The following TTC8 variants were observed in gnomAD, a reference collection of about 807,000 sequenced individuals.
TTC8 encodes the protein tetratricopeptide repeat domain 8.
A neutral mutation model predicts 72.5 loss-of-function variants in TTC8; 47 were observed. The ratio of observed to expected loss-of-function variants is 0.65; its 90% CI spans 0.51 to 0.83. The LOEUF (loss-of-function observed/expected upper bound fraction) is 0.83. Ranked by LOEUF, TTC8 falls within the 40% of genes least tolerant of loss-of-function variation. TTC8 has a pLI of 0.00. For synonymous variants in TTC8, 199 were observed against 221.4 expected (o/e 0.90, Z 0.90); for missense variants, 611 against 623.2 (o/e 0.98, Z 0.21).
chr14:88,854,049 T>C (rs2094845411), intron 8 of TTC8, among the ~76,000 whole-genome samples: 1 of 152,172 alleles, frequency 6.6e-6, no homozygotes, highest in East Asian at 1.9e-4. Flanking sequence ...AAGACTACTT[T>C]CCATTTAGAT....
rs372855260 is a variant in TTC8, at chr14:88,826,577, G to T, written c.114+1756G>T. On this transcript the variant is annotated intron_variant, in intron 1 of 14. Coordinates refer to ENST00000380656, the MANE Select transcript of TTC8 (RefSeq NM_144596.4). The stretch of plus-strand genomic sequence containing the variant: ...AAATTAGCCGGGCGTGTTGGCGGGC[G>T]CCTGTAGTCCCAGTTACTCGGGAGG... Among the ~76,000 whole-genome samples the T allele has an allele frequency of 7.0e-4, 107 of 152,096 alleles. 1 individual carries two copies. In the East Asian group the frequency reaches 0.017, roughly 24 times the overall value.
chr14:88,872,192 A>T, intron 12 of TTC8, 138 bp from the exon 13 acceptor site: 1 of 1,260,410 alleles, frequency 7.9e-7, no homozygotes. Context: ...AAATCCACTT[A>T]CGTAGAATTC....
rs149614033 is a variant in TTC8, at chr14:88,848,709, A to C, written c.625-4262A>C. On this transcript the variant is annotated intron_variant, in intron 7 of 14. Coordinates refer to ENST00000380656, the MANE Select transcript of TTC8 (RefSeq NM_144596.4). Reference sequence around the variant, plus strand: ...TTAAGCCAAAAGTATACCATTTAGTATGTTAAATAGAAGTATAACTCTAAA... The same window carrying C: ...TTAAGCCAAAAGTATACCATTTAGTCTGTTAAATAGAAGTATAACTCTAAA... Among the ~76,000 whole-genome samples, 594 of 152,314 alleles carry C rather than the reference A, an allele frequency of 3.9e-3. 6 individuals carry two copies. The highest frequency in any genetic ancestry group is 0.014 in the African/African-American group (568 of 41,586).
chr14:88,877,789 G>A lies in TTC8; in HGVS notation c.*379G>A, dbSNP rs2094963225. 3 of 161,324 alleles carry A rather than the reference G, an allele frequency of 1.9e-5. No homozygotes were observed. The highest frequency in any genetic ancestry group is 7.2e-5 in the African/African-American group (3 of 41,524). The allele number at this position is 161,324 out of a possible 1,614,324, so 10.0% of individuals were successfully genotyped here. A position where few individuals can be genotyped will look rare whatever the true frequency, so the allele number is the denominator to read the frequency against. On this transcript the variant is annotated 3_prime_UTR_variant, in exon 15 of 15. Transcript: ENST00000380656. Reference sequence around the variant, plus strand: ...AGCCATCATGTAGCTTAAGGAGTCTGAAATCTGCCATTAAAACTGCACCTT... The same window carrying A: ...AGCCATCATGTAGCTTAAGGAGTCTAAAATCTGCCATTAAAACTGCACCTT...
intron 10 of TTC8, among the ~76,000 whole-genome samples, chr14:88,862,767 A>G (rs1294987702): frequency 1.3e-5 from 2 of 148,872 alleles, no homozygotes; most frequent in Admixed American, 6.7e-5. Flanking sequence ...CTTTTTGCAG[A>G]AATGGGATCT....
chr14:88,876,137 C>A (rs965228601), intron 14 of TTC8, among the ~76,000 whole-genome samples: 3 of 152,188 alleles, frequency 2.0e-5, no homozygotes, highest in Non-Finnish European at 2.9e-5. Context: ...CCAGTGATGT[C>A]CATGTGTTTC....
intron 14 of TTC8, among the ~76,000 whole-genome samples, 194 bp from the exon 15 acceptor site, chr14:88,877,100 A>G (rs59462347): frequency 2.7e-4 from 41 of 152,296 alleles, no homozygotes; most frequent in African/African-American, 9.6e-4. Flanking sequence ...TCTAAAATCA[A>G]AGTAGCATAA....
chr14:88,855,250 A>G (rs1048456676), intron 8 of TTC8, among the ~76,000 whole-genome samples: 3 of 152,112 alleles, frequency 2.0e-5, no homozygotes, highest in Admixed American at 6.6e-5. Flanking sequence ...TTTGATTATC[A>G]TTGCTTTAAG....
Position 88,857,211 on chromosome 14 carries a change from A to C in TTC8, c.732A>C (p.Ala244=). ...CYYRLGMYRE[A]EKQFKSALKQ... ...GTAGGTTGGGAATGTATCGTGAAGC[A>C]GAAAAACAGTTTAAATCAGCCCTGA... Residue 244 remains alanine (A), a synonymous_variant, in exon 9 of 15, where the codon GCA becomes GCC. Coordinates refer to ENST00000380656, the MANE Select transcript of TTC8 (RefSeq NM_144596.4). The C allele has an allele frequency of 3.7e-6, 6 of 1,613,958 alleles. No homozygotes were observed. The highest frequency in any genetic ancestry group is 5.1e-6 in the Non-Finnish European group (6 of 1,179,922).
In TTC8 at chr14:88,871,854, C is replaced by A; in HGVS notation, c.1224+131C>A. The A allele has an allele frequency of 9.9e-7, 1 of 1,005,740 alleles. No individual in the cohort carries two copies. The highest frequency in any genetic ancestry group is 2.4e-5 in the East Asian group (1 of 41,016). 62.3% of individuals were successfully genotyped at this position (1,005,740 alleles called of 1,614,324 possible). A position where few individuals can be genotyped will look rare whatever the true frequency, so the allele number is the denominator to read the frequency against. ...ATTGCTTGAGCCCAGGAGTTTGAGA[C>A]CACCCTGGGCAACATAGTGGGACTC... On this transcript the variant is annotated intron_variant, in intron 12 of 14. Coordinates refer to ENST00000380656, the MANE Select transcript of TTC8 (RefSeq NM_144596.4). The surrounding 1 kb of genome is among the most constrained non-coding windows in gnomAD (Gnocchi z 4.1).
intron 11 of TTC8, 137 bp downstream of exon 11, chr14:88,870,335 A>G (rs2094928752): frequency 3.1e-6 from 3 of 971,662 alleles, no homozygotes; most frequent in Non-Finnish European, 4.9e-6. Flanking sequence ...ACTGAGATAT[A>G]TAATGAGCAT....
At position 88,871,453 on chromosome 14, in the gene TTC8, T is replaced by C. The variant is rs1229509631; in HGVS notation, c.1050-96T>C. ...TTAAGGAGTATCAAAAATCACAAGA[T>C]GAATTCATTTTTAACTGTGTAAAAT... On this transcript the variant is annotated intron_variant, in intron 11 of 14. Coordinates refer to ENST00000380656, the MANE Select transcript of TTC8 (RefSeq NM_144596.4). The surrounding 1 kb of genome is among the most constrained non-coding windows in gnomAD (Gnocchi z 4.1). The C allele has an allele frequency of 1.1e-5, 12 of 1,109,896 alleles. No homozygotes were observed. The East Asian group carries it at 2.8e-4, about 26-fold the overall frequency. 68.8% of individuals were successfully genotyped at this position (1,109,896 alleles called of 1,614,324 possible). A position where few individuals can be genotyped will look rare whatever the true frequency, so the allele number is the denominator to read the frequency against.
intron 8 of TTC8, among the ~76,000 whole-genome samples, chr14:88,856,160 A>G (rs2094855167): frequency 6.6e-6 from 1 of 152,198 alleles, no homozygotes; most frequent in South Asian, 2.1e-4. Flanking sequence ...GAGTTCTTTG[A>G]TAACATTTTA....
At chr14:88,855,231 G>C (rs2062475447) in intron 8 of TTC8, among the ~76,000 whole-genome samples, 1 of 152,030 alleles carries the variant, frequency 6.6e-6, no homozygotes, top group African/African-American at 2.4e-5. Flanking sequence ...AACATGTTTT[G>C]TTTCATTCTT....
chr14:88,864,047 A>C (rs1177613161), intron 10 of TTC8, among the ~76,000 whole-genome samples: 1 of 152,172 alleles, frequency 6.6e-6, no homozygotes, highest in Non-Finnish European at 1.5e-5. Context: ...TGAAAATGCT[A>C]GGTATGATAT....
chr14:88,874,497 C>T lies in TTC8; in HGVS notation c.1348-529C>T, dbSNP rs555084652. Among the ~76,000 whole-genome samples the T allele has an allele frequency of 1.4e-4, 21 of 152,196 alleles. No homozygotes were observed. In the South Asian group the frequency reaches 3.9e-3, roughly 29 times the overall value. On this transcript the variant is annotated intron_variant, in intron 13 of 14. Coordinates refer to ENST00000380656, the MANE Select transcript of TTC8 (RefSeq NM_144596.4). The stretch of plus-strand genomic sequence containing the variant: ...ACAGAAAGCTTGTCATATTCAATTG[C>T]TGTCTCACTAACAAAACTGATCAGC...
At chr14:88,835,406 G>A (rs2094745959) in intron 2 of TTC8, among the ~76,000 whole-genome samples, 1 of 152,150 alleles carries the variant, frequency 6.6e-6, no homozygotes, top group Admixed American at 6.5e-5. Context: ...TGCTTCAGGA[G>A]TAATGTCCTA....
Position 88,828,227 on chromosome 14 carries a change from A to G in TTC8, c.114+3406A>G, listed in dbSNP as rs149359931. Among the ~76,000 whole-genome samples, 324 of 152,332 alleles carry G rather than the reference A, an allele frequency of 2.1e-3. 1 individual carries two copies. Among genetic ancestry groups the G allele is most frequent in the African/African-American group, 7.5e-3 (310 of 41,558 alleles). The stretch of plus-strand genomic sequence containing the variant: ...TTTAAAATGCTTCCTAGGTTCCTCC[A>G]GGAGAGTGTTTCTAATAGTAATGAT... On this transcript the variant is annotated intron_variant, in intron 1 of 14. Coordinates refer to ENST00000380656, the MANE Select transcript of TTC8 (RefSeq NM_144596.4).
intron 1 of TTC8, 121 bp from the exon 2 acceptor site, chr14:88,833,572 T>G (rs2094736267): frequency 1.2e-6 from 1 of 826,826 alleles, no homozygotes; most frequent in East Asian, 2.6e-5. Flanking sequence ...TAAAGTTAAT[T>G]TTTTGGATTC....
Sources: gnomAD v4.1 joint callset for allele counts (sites outside exome capture counted in the v4.1 genomes callset) on GRCh38, gnomAD v4.1.1 for gene constraint, Gnocchi (gnomAD v3.1) non-coding constraint, MANE v1.5 for transcripts, NCBI Gene and HGNC (gene_info 2026-07-23, HGNC 2026-07-21) for gene names.